Variants in NLGN1 observed in about 807,000 individuals in gnomAD.
NLGN1 encodes the protein neuroligin 1.
Under a neutral mutation model 65.5 loss-of-function variants are expected in NLGN1, and 12 were observed. The ratio of observed to expected loss-of-function variants is 0.18; its 90% CI spans 0.12 to 0.30. The LOEUF is 0.30. Ranked by LOEUF, NLGN1 falls within the 10% of genes least tolerant of loss-of-function variation. The pLI, the probability that NLGN1 is intolerant of heterozygous loss-of-function variation, is 1.00. For missense variants in NLGN1, 750 were observed against 1,007.1 expected (o/e 0.74, Z 3.46); for synonymous variants, 350 against 359.5 (o/e 0.97, Z 0.30).
At chr3:174,152,475 A>T (rs1403419445) in intron 4 of NLGN1, among the ~76,000 whole-genome samples, 1 of 151,998 alleles carries the variant, frequency 6.6e-6, no homozygotes, top group East Asian at 1.9e-4. Context: ...GCAGGGGAAC[A>T]TCACACACCA....
intron 5 of NLGN1, among the ~76,000 whole-genome samples, chr3:174,275,775 C>G (rs1191134059): frequency 6.6e-6 from 1 of 151,876 alleles, no homozygotes; most frequent in African/African-American, 2.4e-5. Flanking sequence ...ATTACAGTTA[C>G]TCTTCTTTCC....
rs149024610 is a variant in NLGN1, at chr3:173,499,873, T to G, written c.-321+64795T>G. 4.2e-4 allele frequency among the ~76,000 whole-genome samples: 64 copies of G among 151,988 alleles called. 3 individuals are homozygous for G. Among genetic ancestry groups the G allele is most frequent in the African/African-American group, 1.5e-3 (63 of 41,266 alleles). The stretch of plus-strand genomic sequence containing the variant: ...TCTCTGTTTGTCTGTTATTGGTGTA[T>G]AAGAATACTTGTGATTTTTGGGCAT... On this transcript the variant is annotated intron_variant, in intron 2 of 6. Transcript: ENST00000457714.
At chr3:173,777,913 A>G (rs911224223) in intron 3 of NLGN1, among the ~76,000 whole-genome samples, 3 of 151,892 alleles carry the variant, frequency 2.0e-5, no homozygotes, top group Admixed American at 2.0e-4. Flanking sequence ...AAAATCTAGC[A>G]TGTTTATAAC....
intron 4 of NLGN1, among the ~76,000 whole-genome samples, chr3:174,223,127 G>A (rs1040256017): frequency 6.6e-6 from 1 of 152,032 alleles, no homozygotes; most frequent in Non-Finnish European, 1.5e-5. Context: ...TCTCCTAACA[G>A]AGTTCTCACA....
chr3:174,145,725 A>C (rs1465318838), intron 4 of NLGN1, among the ~76,000 whole-genome samples: 1 of 152,226 alleles, frequency 6.6e-6, no homozygotes, highest in Non-Finnish European at 1.5e-5. Context: ...GGACATGGCT[A>C]TCATTCTTGA....
chr3:174,239,222 C>T (rs990664467), intron 4 of NLGN1, among the ~76,000 whole-genome samples: 3 of 152,088 alleles, frequency 2.0e-5, no homozygotes, highest in Non-Finnish European at 2.9e-5. Flanking sequence ...GCATGCGCCA[C>T]CACACTCGGC....
chr3:173,526,200 G>T (rs546707619), intron 2 of NLGN1, among the ~76,000 whole-genome samples: 1 of 152,148 alleles, frequency 6.6e-6, no homozygotes, highest in East Asian at 1.9e-4. Flanking sequence ...ATTGCTTTCA[G>T]TCTGTTTTCT....
rs907054376 is a variant in NLGN1, at chr3:174,078,999, T to C, written c.647-196316T>C. Among the ~76,000 whole-genome samples the C allele has an allele frequency of 5.3e-5, 8 of 150,318 alleles. No homozygotes were observed. In the Admixed American group the frequency reaches 5.4e-4, roughly 10 times the overall value. On this transcript the variant is annotated intron_variant, in intron 4 of 6. Transcript: ENST00000457714. ...ACACAAGTACCGTAATACAACGGTG[T>C]GTGTGTGTGTGTGTATGTAAATGTG...
chr3:174,202,525 T>A (rs1734680289), intron 4 of NLGN1, among the ~76,000 whole-genome samples: 1 of 152,222 alleles, frequency 6.6e-6, no homozygotes, highest in South Asian at 2.1e-4. Flanking sequence ...GGTCAAAGAT[T>A]CATTGGAATT....
chr3:174,250,250 A>G (rs193118059), intron 4 of NLGN1, among the ~76,000 whole-genome samples: 13 of 152,342 alleles, frequency 8.5e-5, no homozygotes, highest in Non-Finnish European at 1.8e-4. Context: ...CCTAGCACAG[A>G]GTAATGGTCT....
At chr3:174,125,671 C>T (rs1198330834) in intron 4 of NLGN1, among the ~76,000 whole-genome samples, 1 of 152,086 alleles carries the variant, frequency 6.6e-6, no homozygotes, top group Non-Finnish European at 1.5e-5. Context: ...GCAGAATATA[C>T]ATGCACATGT....
chr3:173,523,399 A>C (rs1394891087), intron 2 of NLGN1, among the ~76,000 whole-genome samples: 1 of 151,664 alleles, frequency 6.6e-6, no homozygotes. Context: ...TATTATGTTT[A>C]AATATTTTAT....
At chr3:173,769,449 C>T (rs1208890948) in intron 3 of NLGN1, among the ~76,000 whole-genome samples, 2 of 152,174 alleles carry the variant, frequency 1.3e-5, no homozygotes, top group African/African-American at 4.8e-5. Context: ...CTGCCAGTCA[C>T]ACTCTTTCTC....
intron 4 of NLGN1, among the ~76,000 whole-genome samples, chr3:174,214,429 T>C (rs1414175339): frequency 6.6e-6 from 1 of 152,176 alleles, no homozygotes; most frequent in Non-Finnish European, 1.5e-5. Flanking sequence ...ACAACAGTGT[T>C]CCCTATTAAA....
At chr3:173,461,238 A>G (rs143204673) in intron 2 of NLGN1, among the ~76,000 whole-genome samples, 1 of 152,286 alleles carries the variant, frequency 6.6e-6, no homozygotes, top group African/African-American at 2.4e-5. Flanking sequence ...TACCAAATTC[A>G]GTTAGTGATT....
At chr3:173,880,832 A>G (rs968155642) in intron 4 of NLGN1, among the ~76,000 whole-genome samples, 1 of 152,098 alleles carries the variant, frequency 6.6e-6, no homozygotes, top group African/African-American at 2.4e-5. Flanking sequence ...GCATTCAGTG[A>G]TGTTTGATAG....
intron 4 of NLGN1, among the ~76,000 whole-genome samples, chr3:174,145,768 A>T (rs994345967): frequency 2.2e-4 from 34 of 152,194 alleles, no homozygotes; most frequent in African/African-American, 8.2e-4. Context: ...TAATAATTTT[A>T]TGCACTGTAA....
At chr3:174,222,408 T>C (rs968136157) in intron 4 of NLGN1, among the ~76,000 whole-genome samples, 1 of 152,210 alleles carries the variant, frequency 6.6e-6, no homozygotes, top group African/African-American at 2.4e-5. Context: ...AATGTTAATC[T>C]TGGTTAGAAA....
chr3:173,438,148 T>C (rs1441547686), intron 2 of NLGN1, among the ~76,000 whole-genome samples: 2 of 152,104 alleles, frequency 1.3e-5, no homozygotes, highest in Non-Finnish European at 2.9e-5. Flanking sequence ...AAGCCTTTGA[T>C]GGTTTGGTTA....
Sources: gnomAD v4.1 joint callset for allele counts (sites outside exome capture counted in the v4.1 genomes callset) on GRCh38, gnomAD v4.1.1 for gene constraint, MANE v1.5 for transcripts, NCBI Gene and HGNC (gene_info 2026-07-23, HGNC 2026-07-21) for gene names.